LRMDA: variants seen among roughly 807,000 people sequenced by gnomAD.
LRMDA encodes leucine-rich melanocyte differentiation-associated protein.
Under a neutral mutation model 29.8 loss-of-function variants are expected in LRMDA, and 18 were observed. That is an observed-to-expected ratio of 0.60 (90% confidence interval 0.42 to 0.90). LRMDA has a LOEUF of 0.90. Among genes scored for constraint, LRMDA ranks in the 40% least tolerant of loss-of-function variants. LRMDA has a pLI of 0.00. For missense variants in LRMDA, 273 were observed against 273.9 expected (o/e 1.00, Z 0.02); for synonymous variants, 125 against 109.4 (o/e 1.14, Z -0.89).
At chr10:76,427,930 A>T (rs1239039228) in intron 6 of LRMDA, among the ~76,000 whole-genome samples, 1 of 152,228 alleles carries the variant, frequency 6.6e-6, no homozygotes, top group Non-Finnish European at 1.5e-5. Context: ...ATGTTGAACC[A>T]GCCTTGCATC....
intron 2 of LRMDA, among the ~76,000 whole-genome samples, chr10:75,693,447 GA>G (rs1416056046): frequency 5.3e-5 from 8 of 152,188 alleles, no homozygotes; most frequent in Non-Finnish European, 1.2e-4. Context: ...TGTGCTTGGA[GA>G]AATTTGTTAA....
chr10:76,116,151 AGG>A (rs1849665170), intron 5 of LRMDA, among the ~76,000 whole-genome samples: 1 of 152,152 alleles, frequency 6.6e-6, no homozygotes, highest in Non-Finnish European at 1.5e-5. Flanking sequence ...CAGGTACACT[AGG>A]ACAAGTGCTC....
intron 5 of LRMDA, among the ~76,000 whole-genome samples, chr10:76,182,953 C>T (rs1470189494): frequency 2.0e-5 from 3 of 152,128 alleles, no homozygotes; most frequent in African/African-American, 7.2e-5. Context: ...TTGACTGGGG[C>T]AGCAAGGCTC....
In LRMDA at chr10:75,456,890, G is replaced by A. The variant is rs115491193; in HGVS notation, c.131+18396G>A. On this transcript the variant is annotated intron_variant, in intron 2 of 6. Transcript: ENST00000611255. ...AGGGTTTCACCATTTTGGCCAGGCC[G>A]GTCTCGAATTCCTGACCTCAGGCAA... Among the ~76,000 whole-genome samples, 1,264 of 152,194 alleles carry A rather than the reference G, an allele frequency of 8.3e-3. 14 individuals carry two copies. The highest frequency in any genetic ancestry group is 0.026 in the African/African-American group (1,090 of 41,500).
intron 6 of LRMDA, among the ~76,000 whole-genome samples, chr10:76,540,100 GACAC>G (rs965691792): frequency 2.0e-5 from 3 of 150,468 alleles, no homozygotes; most frequent in African/African-American, 7.4e-5. Context: ...CTTACATAAA[GACAC>G]ACAGAAGACA....
intron 2 of LRMDA, among the ~76,000 whole-genome samples, chr10:75,923,262 G>A (rs1439927467): frequency 2.6e-5 from 4 of 152,328 alleles, no homozygotes; most frequent in African/African-American, 9.6e-5. Context: ...AGAGGGTATA[G>A]ATGTCTGCAC....
chr10:75,750,569 C>T (rs1842949918), intron 2 of LRMDA, among the ~76,000 whole-genome samples: 1 of 144,890 alleles, frequency 6.9e-6, no homozygotes, highest in South Asian at 2.3e-4. Context: ...GACGGGCGGC[C>T]AGGCAGAGAC....
At chr10:75,950,739 C>T (rs1846560309) in intron 2 of LRMDA, among the ~76,000 whole-genome samples, 1 of 152,236 alleles carries the variant, frequency 6.6e-6, no homozygotes, top group Non-Finnish European at 1.5e-5. Flanking sequence ...GTGCCCTATT[C>T]TTCCTCCCTA....
At chr10:76,219,652 C>T (rs1485259501) in intron 5 of LRMDA, among the ~76,000 whole-genome samples, 3 of 152,172 alleles carry the variant, frequency 2.0e-5, no homozygotes, top group Non-Finnish European at 4.4e-5. Flanking sequence ...CTTAGACTCC[C>T]ACACGTTAAT....
chr10:76,030,155 G>C (rs547476603), intron 2 of LRMDA, among the ~76,000 whole-genome samples: 6 of 152,210 alleles, frequency 3.9e-5, no homozygotes, highest in African/African-American at 1.4e-4. Flanking sequence ...ACATACCCTA[G>C]CCAGAACCTT....
chr10:76,054,500 G>A (rs1243852376), intron 4 of LRMDA, among the ~76,000 whole-genome samples: 1 of 151,792 alleles, frequency 6.6e-6, no homozygotes. Flanking sequence ...ATGACAATGT[G>A]CGGTCTGTTG....
intron 2 of LRMDA, among the ~76,000 whole-genome samples, chr10:75,562,354 C>G (rs1055641854): frequency 1.3e-5 from 2 of 151,380 alleles, no homozygotes; most frequent in Non-Finnish European, 3.0e-5. Flanking sequence ...GGACTGCAAC[C>G]CCTGCCTTTT....
chr10:75,572,416 T>C (rs563718324), intron 2 of LRMDA, among the ~76,000 whole-genome samples: 1 of 152,280 alleles, frequency 6.6e-6, no homozygotes, highest in African/African-American at 2.4e-5. Context: ...GTTTTATTCT[T>C]TCTGGCACCC....
intron 2 of LRMDA, among the ~76,000 whole-genome samples, chr10:75,784,703 G>GAA (rs373995294): frequency 4.0e-5 from 4 of 100,500 alleles, no homozygotes; most frequent in Non-Finnish European, 4.1e-5. Flanking sequence ...CTCCATCTCA[G>GAA]AAAAAAAAAA....
chr10:76,014,700 A>G (rs760068948), intron 2 of LRMDA, among the ~76,000 whole-genome samples: 8 of 152,340 alleles, frequency 5.3e-5, no homozygotes, highest in Middle Eastern at 6.8e-3. Flanking sequence ...TTGTTCAACA[A>G]CTTAGGCTCC....
intron 2 of LRMDA, among the ~76,000 whole-genome samples, chr10:75,958,206 T>C (rs1589266836): frequency 6.6e-6 from 1 of 152,136 alleles, no homozygotes. Flanking sequence ...CTGCTTCAGG[T>C]ACATCCTGGT....
chr10:76,012,914 A>G (rs1421544714), intron 2 of LRMDA, among the ~76,000 whole-genome samples: 1 of 152,124 alleles, frequency 6.6e-6, no homozygotes, highest in Non-Finnish European at 1.5e-5. Flanking sequence ...TCACTAATCT[A>G]CTTGATCTGG....
intron 2 of LRMDA, 56 bp from the exon 3 acceptor site, chr10:76,035,952 A>G (rs1252342951): frequency 6.3e-7 from 1 of 1,583,068 alleles, no homozygotes; most frequent in East Asian, 2.3e-5. Context: ...TTCGGCTCAT[A>G]ATGGCCTCCC....
chr10:75,677,142 C>A (rs1219374468), intron 2 of LRMDA, among the ~76,000 whole-genome samples: 1 of 152,180 alleles, frequency 6.6e-6, no homozygotes, highest in Non-Finnish European at 1.5e-5. Context: ...GGGAATAGGG[C>A]CAGTGCCCTA....
Sources: gnomAD v4.1 joint callset for allele counts (sites outside exome capture counted in the v4.1 genomes callset) on GRCh38, gnomAD v4.1.1 for gene constraint, MANE v1.5 for transcripts, NCBI Gene and HGNC (gene_info 2026-07-23, HGNC 2026-07-21) for gene names.